SNCAIP: variants seen among roughly 807,000 people sequenced by gnomAD.
SNCAIP encodes synuclein alpha interacting protein.
A neutral mutation model predicts 86.7 loss-of-function variants in SNCAIP; 43 were observed. The observed-to-expected ratio is 0.50, with a 90% confidence interval of 0.39 to 0.64. The LOEUF (loss-of-function observed/expected upper bound fraction) is 0.64. Among genes scored for constraint, SNCAIP ranks in the 30% least tolerant of loss-of-function variants. SNCAIP has a pLI of 0.00. For missense variants in SNCAIP, 981 were observed against 1,103.1 expected, an observed-to-expected ratio of 0.89 and a Z score of 1.57; for synonymous variants, 417 against 427.2, an observed-to-expected ratio of 0.98 and a Z score of 0.29.
At chr5:122,344,739 G>T (rs1409964572) in intron 1 of SNCAIP, among the ~76,000 whole-genome samples, 1 of 152,166 alleles carries the variant, frequency 6.6e-6, no homozygotes, top group Admixed American at 6.5e-5. Flanking sequence ...TGAATTTCAA[G>T]TAAGTAACAA....
chr5:122,421,000 G>A (rs746746210), intron 3 of SNCAIP, among the ~76,000 whole-genome samples: 1 of 152,206 alleles, frequency 6.6e-6, no homozygotes. Context: ...GATTTAATGT[G>A]TTGTGCAAAG....
rs75279501 is a variant in SNCAIP at position 122,365,736 on chromosome 5, A to G, written c.-46-25353A>G. Reference sequence around the variant, plus strand: ...TGGTCTCATGGTTTTATTCATTAATACTTTTCCATTCATTCAAAATATTCT... The same window carrying G: ...TGGTCTCATGGTTTTATTCATTAATGCTTTTCCATTCATTCAAAATATTCT... On this transcript the variant is annotated intron_variant, in intron 1 of 10. Transcript: ENST00000261368. Among the ~76,000 whole-genome samples, 151 of 152,326 alleles carry G rather than the reference A, an allele frequency of 9.9e-4. 2 individuals carry two copies. In the East Asian group the frequency reaches 0.024, roughly 24 times the overall value.
At chr5:122,448,653 T>A (rs1420740769) in intron 8 of SNCAIP, among the ~76,000 whole-genome samples, 1 of 127,814 alleles carries the variant, frequency 7.8e-6, no homozygotes, top group African/African-American at 3.0e-5. Flanking sequence ...TATATATTTT[T>A]ATATATATTA....
intron 7 of SNCAIP, among the ~76,000 whole-genome samples, chr5:122,442,948 C>T (rs1024453825): frequency 1.3e-5 from 2 of 151,902 alleles, no homozygotes; most frequent in Non-Finnish European, 2.9e-5. Flanking sequence ...GAGCAAGGGA[C>T]CCTATGAGGT....
chr5:122,414,488 C>G (rs1183981447), intron 3 of SNCAIP, among the ~76,000 whole-genome samples: 1 of 152,120 alleles, frequency 6.6e-6, no homozygotes, highest in Non-Finnish European at 1.5e-5. Context: ...ACCTTAGCCT[C>G]CAAAGTGCTG....
intron 5 of SNCAIP, among the ~76,000 whole-genome samples, chr5:122,430,535 G>C (rs1288384661): frequency 6.6e-6 from 1 of 152,106 alleles, no homozygotes; most frequent in Non-Finnish European, 1.5e-5. Context: ...CCATGGTCTT[G>C]CAACTAAGTG....
intron 1 of SNCAIP, among the ~76,000 whole-genome samples, chr5:122,351,664 C>T (rs567257674): frequency 6.6e-6 from 1 of 151,190 alleles, no homozygotes; most frequent in Non-Finnish European, 1.5e-5. Context: ...TCATTAGGAC[C>T]CAGACAAGCC....
At chr5:122,338,822 T>C (rs1405892677) in intron 1 of SNCAIP, among the ~76,000 whole-genome samples, 1 of 152,224 alleles carries the variant, frequency 6.6e-6, no homozygotes, top group African/African-American at 2.4e-5. Context: ...CTTTGTGATC[T>C]AAACATGAGA....
rs1316323395 is a variant in SNCAIP at position 122,363,169 on chromosome 5, T to G, written c.-46-27920T>G. ...GCGCCACCATGCCTGGCTAATGTCG[T>G]ATTTTTGGTAGAGATGGGATTTCTC... On this transcript the variant is annotated intron_variant, in intron 1 of 10. Coordinates refer to ENST00000261368, the MANE Select transcript of SNCAIP (RefSeq NM_005460.4). Among the ~76,000 whole-genome samples, 4 of 151,972 alleles carry G rather than the reference T, an allele frequency of 2.6e-5. No homozygotes were observed. In the East Asian group the frequency reaches 7.7e-4, roughly 29 times the overall value.
intron 3 of SNCAIP, among the ~76,000 whole-genome samples, chr5:122,414,263 C>G (rs184034628): frequency 6.7e-6 from 1 of 149,726 alleles, no homozygotes; most frequent in Non-Finnish European, 1.5e-5. Flanking sequence ...GACAGTCTTG[C>G]TCTGTTGCCC....
chr5:122,440,922 T>A, intron 7 of SNCAIP, 168 bp downstream of exon 7: 1 of 676,790 alleles, frequency 1.5e-6, no homozygotes, highest in Non-Finnish European at 2.5e-6. Context: ...CACACAAATG[T>A]AGGTAGGCAT....
chr5:122,331,745 G>A (rs532703720), intron 1 of SNCAIP, among the ~76,000 whole-genome samples: 6 of 152,256 alleles, frequency 3.9e-5, no homozygotes, highest in Non-Finnish European at 5.9e-5. Flanking sequence ...ACTTAATCCC[G>A]TATCGTTCTC....
intron 1 of SNCAIP, chr5:122,389,801 A>T (rs1768953013): frequency 6.6e-6 from 1 of 152,180 alleles, no homozygotes; most frequent in African/African-American, 2.4e-5. Flanking sequence ...TTAAGACTTT[A>T]AAAATGGTAT....
chr5:122,395,898 G>A (rs115837812), intron 2 of SNCAIP, among the ~76,000 whole-genome samples: 156 of 152,212 alleles, frequency 1.0e-3, no homozygotes, highest in Non-Finnish European at 1.3e-3. Context: ...GGACCCTATT[G>A]TACTTTCTTC....
rs542412544 is a variant in SNCAIP, at chr5:122,422,433, C to T, written c.131-435C>T. ...CATTAGGGGTGTATGTGGACATGCACGCTAATGTGTGTGCATGTGTGCATA... is the reference window on the plus strand; with the variant it reads ...CATTAGGGGTGTATGTGGACATGCATGCTAATGTGTGTGCATGTGTGCATA... On this transcript the variant is annotated intron_variant, in intron 3 of 10. Coordinates refer to ENST00000261368, the MANE Select transcript of SNCAIP (RefSeq NM_005460.4). 1.9e-3 allele frequency among the ~76,000 whole-genome samples: 295 copies of T among 152,284 alleles called. 2 individuals are homozygous for T. The highest frequency in any genetic ancestry group is 6.7e-3 in the African/African-American group (278 of 41,554).
At chr5:122,349,059 C>G (rs191736706) in intron 1 of SNCAIP, among the ~76,000 whole-genome samples, 1 of 152,216 alleles carries the variant, frequency 6.6e-6, no homozygotes, top group Admixed American at 6.5e-5. Context: ...TTTTCTGTTA[C>G]CAATTATTCT....
chr5:122,345,825 A>T (rs1269603697), intron 1 of SNCAIP, among the ~76,000 whole-genome samples: 1 of 150,826 alleles, frequency 6.6e-6, no homozygotes, highest in Non-Finnish European at 1.5e-5. Flanking sequence ...CGTGCCTGAC[A>T]TTTTTTTTTA....
chr5:122,436,365 G>T (rs925365025), intron 6 of SNCAIP: 1 of 151,972 alleles, frequency 6.6e-6, no homozygotes, highest in African/African-American at 2.4e-5. Flanking sequence ...ATGAATGTCG[G>T]CTGTTATCAC....
intron 3 of SNCAIP, among the ~76,000 whole-genome samples, chr5:122,409,579 T>C (rs1170470872): frequency 6.6e-6 from 1 of 152,180 alleles, no homozygotes; most frequent in African/African-American, 2.4e-5. Context: ...TGTATGACAA[T>C]GAGTAAGGAA....
Sources: allele counts gnomAD v4.1 joint callset (sites outside exome capture counted in the v4.1 genomes callset), GRCh38; gene constraint gnomAD v4.1.1; transcripts MANE v1.5; gene names NCBI Gene and HGNC (gene_info 2026-07-23, HGNC 2026-07-21).